Variants in ENKUR observed in about 807,000 individuals in gnomAD.
ENKUR encodes the protein enkurin, TRPC channel interacting protein.
ENKUR carries 19 observed loss-of-function variants against 27.6 expected under a neutral mutation model. The ratio of observed to expected loss-of-function variants is 0.69; its 90% confidence interval spans 0.48 to 1.01. The LOEUF (loss-of-function observed/expected upper bound fraction) is 1.01, where lower values mean the gene tolerates loss of function less well. Ranked by LOEUF, ENKUR falls within the 50% of genes least tolerant of loss-of-function variation. The probability of loss-of-function intolerance (pLI) is 0.00; values close to 1 mark genes in which losing one functional copy is unlikely to be tolerated. For synonymous variants in ENKUR, 117 were observed against 96.9 expected (o/e 1.21, Z -1.22); for missense variants, 312 against 310.5 (o/e 1.00, Z -0.04).
intron 1 of ENKUR, among the ~76,000 whole-genome samples, chr10:25,008,699 G>A (rs1016181935): frequency 5.9e-5 from 9 of 152,180 alleles, no homozygotes; most frequent in Admixed American, 2.6e-4. Flanking sequence ...GAAGTGTGGC[G>A]ATTCCTCAGG....
chr10:24,993,725 C>A (rs1349954278), intron 3 of ENKUR, among the ~76,000 whole-genome samples: 1 of 152,212 alleles, frequency 6.6e-6, no homozygotes, highest in East Asian at 1.9e-4. Flanking sequence ...GCATTAGGTG[C>A]ACAGTGCTTT....
chr10:25,056,793 G>A (rs1434576748), intron 2 of ENKUR, among the ~76,000 whole-genome samples: 3 of 152,158 alleles, frequency 2.0e-5, no homozygotes, highest in Non-Finnish European at 2.9e-5. Context: ...ATATAGAGAG[G>A]CTATTTGTTC....
intron 2 of ENKUR, among the ~76,000 whole-genome samples, chr10:25,048,064 G>T (rs564355287): frequency 2.8e-4 from 42 of 152,224 alleles, no homozygotes; most frequent in Admixed American, 1.2e-3. Flanking sequence ...GAGAAAAGTG[G>T]ATCATACTGT....
intron 2 of ENKUR, among the ~76,000 whole-genome samples, chr10:25,042,759 G>T (rs967880799): frequency 6.6e-6 from 1 of 152,028 alleles, no homozygotes; most frequent in Non-Finnish European, 1.5e-5. Flanking sequence ...GAAGTTGGGG[G>T]TGGGAGGATT....
chr10:24,993,555 A>T (rs1174264994), intron 3 of ENKUR, among the ~76,000 whole-genome samples: 1 of 152,208 alleles, frequency 6.6e-6, no homozygotes, highest in East Asian at 1.9e-4. Flanking sequence ...CTGAAATGGG[A>T]GTTCACTCAT....
intron 2 of ENKUR, chr10:25,023,070 A>G (rs746047741): frequency 2.3e-5 from 17 of 725,198 alleles, no homozygotes; most frequent in South Asian, 1.9e-4. Flanking sequence ...CAGTTTATGT[A>G]CCATGGGCAT....
chr10:24,988,001 A>C (rs949457105), intron 4 of ENKUR, among the ~76,000 whole-genome samples: 1 of 151,704 alleles, frequency 6.6e-6, no homozygotes, highest in African/African-American at 2.4e-5. Context: ...CGGGTGGATC[A>C]CCTGAGGCCA....
intron 4 of ENKUR, among the ~76,000 whole-genome samples, chr10:24,989,101 A>G (rs1188840971): frequency 6.6e-6 from 1 of 152,138 alleles, no homozygotes. Flanking sequence ...GTTCTTTGTC[A>G]TATTCTTATT....
rs555877328 is a variant in ENKUR at position 25,024,906 on chromosome 10, A to T, written c.38-29037T>A. 8.7e-6 allele frequency: 14 copies of T among 1,613,868 alleles called. No homozygotes were observed. The East Asian group carries it at 3.1e-4, about 36-fold the overall frequency. On this transcript the variant is annotated intron_variant, in intron 2 of 5. Transcript: ENST00000615958. ...AAAGAAAACTAGCACAAACCTTTTC[A>T]CCGTCAATAGATATTCTCAAATCTT...
intron 3 of ENKUR, 111 bp downstream of exon 3, chr10:24,995,535 A>C (rs1850027385): frequency 2.1e-6 from 2 of 973,986 alleles, no homozygotes. Context: ...TCAGCAAAGT[A>C]GACAATGTGT....
At chr10:25,009,836 A>G (rs1405018840) in intron 1 of ENKUR, among the ~76,000 whole-genome samples, 1 of 152,118 alleles carries the variant, frequency 6.6e-6, no homozygotes, top group African/African-American at 2.4e-5. Flanking sequence ...GTAAGATGTG[A>G]CTTTGTTCCT....
At chr10:25,050,332 AC>A (rs1487026117) in intron 2 of ENKUR, among the ~76,000 whole-genome samples, 2 of 152,186 alleles carry the variant, frequency 1.3e-5, no homozygotes, top group Non-Finnish European at 1.5e-5. Flanking sequence ...CATACGTAAG[AC>A]TGGGTAATTT....
intron 2 of ENKUR, among the ~76,000 whole-genome samples, chr10:25,029,454 G>T (rs1043785334): frequency 6.6e-6 from 1 of 152,004 alleles, no homozygotes; most frequent in Non-Finnish European, 1.5e-5. Context: ...GATTTTAATA[G>T]CAATTCACTT....
intron 2 of ENKUR, among the ~76,000 whole-genome samples, chr10:25,047,173 A>G (rs1399491612): frequency 6.6e-6 from 1 of 152,146 alleles, no homozygotes; most frequent in Admixed American, 6.5e-5. Flanking sequence ...CAAACTCTCA[A>G]GGTTTGTTCA....
At chr10:25,033,867 C>CT (rs59851631) in intron 2 of ENKUR, among the ~76,000 whole-genome samples, 15 of 149,502 alleles carry the variant, frequency 1.0e-4, no homozygotes, top group East Asian at 1.0e-3. Flanking sequence ...ATCTATCTAT[C>CT]AATCATCTAT....
intron 1 of ENKUR, 116 bp from the exon 2 acceptor site, chr10:24,999,662 A>G: frequency 1.3e-5 from 12 of 950,214 alleles, no homozygotes; most frequent in Non-Finnish European, 1.9e-5. Context: ...TCGTATGGAA[A>G]AGCATAATCA....
At chr10:25,006,525 T>C (rs1850317826) in intron 1 of ENKUR, among the ~76,000 whole-genome samples, 1 of 152,194 alleles carries the variant, frequency 6.6e-6, no homozygotes, top group South Asian at 2.1e-4. Flanking sequence ...TCAAATTTGT[T>C]TCAGACTTTA....
chr10:25,021,704 A>G (rs73608226), intron 2 of ENKUR: 4 of 152,206 alleles, frequency 2.6e-5, no homozygotes, highest in Non-Finnish European at 2.9e-5. Context: ...ATGATACTCT[A>G]TACAGTTATG....
intron 2 of ENKUR, among the ~76,000 whole-genome samples, chr10:25,037,435 A>G (rs1276836768): frequency 6.6e-6 from 1 of 152,138 alleles, no homozygotes; most frequent in Non-Finnish European, 1.5e-5. Context: ...AAAATGAAGA[A>G]CAGAGTAGGG....
Sources: allele counts gnomAD v4.1 joint callset (sites outside exome capture counted in the v4.1 genomes callset), GRCh38; gene constraint gnomAD v4.1.1; transcripts MANE v1.5; gene names NCBI Gene and HGNC (gene_info 2026-07-23, HGNC 2026-07-21).